MAD1L1: variants seen among roughly 807,000 people sequenced by gnomAD.
The protein encoded by MAD1L1 is mitotic spindle assembly checkpoint protein MAD1.
In MAD1L1, 95 loss-of-function variants were observed where a neutral mutation model predicts 96.9. That is an observed-to-expected ratio of 0.98 (90% CI 0.83 to 1.16). The LOEUF (loss-of-function observed/expected upper bound fraction) is 1.16, where lower values mean the gene tolerates loss of function less well. Ranked by LOEUF, MAD1L1 falls within the 50% of genes most tolerant of loss-of-function variation. The pLI, the probability that MAD1L1 is intolerant of heterozygous loss-of-function variation, is 0.00. For missense variants in MAD1L1, 1,007 were observed against 954.4 expected (o/e 1.06, Z -0.73); for synonymous variants, 473 against 396.6 (o/e 1.19, Z -2.29).
chr7:2,128,015 C>G (rs1788317070), intron 11 of MAD1L1, among the ~76,000 whole-genome samples: 1 of 152,190 alleles, frequency 6.6e-6, no homozygotes. Context: ...ATGAAAGGCC[C>G]TGACACTGAG....
chr7:2,122,933 T>C (rs1336590827), intron 11 of MAD1L1, among the ~76,000 whole-genome samples: 1 of 152,188 alleles, frequency 6.6e-6, no homozygotes, highest in East Asian at 1.9e-4. Context: ...CGTCTGCCCA[T>C]CCTGCCCTGG....
intron 11 of MAD1L1, among the ~76,000 whole-genome samples, chr7:2,106,009 G>GCCCCACACATGGCCCCCCCCC (rs1787075326): frequency 1.7e-5 from 1 of 58,926 alleles, no homozygotes; most frequent in Non-Finnish European, 3.2e-5. Flanking sequence ...CCCCGCCCCT[G>GCCCCACACATGGCCCCCCCCC]CCCCACACAT....
In MAD1L1 at chr7:2,212,311, G is replaced by C. The variant is rs548882163; in HGVS notation, c.986+901C>G. ...CCCACCACCCAAGCGCTGGCACTCA[G>C]CTTGGCACAGACTGCGTGAAGAGGC... On this transcript the variant is annotated intron_variant, in intron 10 of 18. Coordinates refer to ENST00000265854, the MANE Select transcript of MAD1L1 (RefSeq NM_001013836.2). Among the ~76,000 whole-genome samples, 11 of 152,334 alleles carry C rather than the reference G, an allele frequency of 7.2e-5. No individual in the cohort carries two copies. In the East Asian group the frequency reaches 2.1e-3, roughly 29 times the overall value.
chr7:2,224,561 T>A (rs1338924871), intron 4 of MAD1L1, among the ~76,000 whole-genome samples: 2 of 152,182 alleles, frequency 1.3e-5, no homozygotes, highest in Admixed American at 6.5e-5. Flanking sequence ...AGACGTGAGC[T>A]ATTTTTCTAG....
chr7:1,993,741 C>A (rs1320345185), intron 14 of MAD1L1, among the ~76,000 whole-genome samples: 1 of 152,220 alleles, frequency 6.6e-6, no homozygotes, highest in Admixed American at 6.5e-5. Context: ...AGCATCTTCT[C>A]ATAAGATCTT....
At chr7:1,981,449 C>T (rs772697107) in intron 14 of MAD1L1, among the ~76,000 whole-genome samples, 22 of 152,094 alleles carry the variant, frequency 1.4e-4, no homozygotes, top group Non-Finnish European at 1.9e-4. Flanking sequence ...CTCCAGGGCC[C>T]GGGGGTGCTA....
At chr7:1,905,673 G>A (rs1451077795) in intron 17 of MAD1L1, among the ~76,000 whole-genome samples, 1 of 152,230 alleles carries the variant, frequency 6.6e-6, no homozygotes, top group Non-Finnish European at 1.5e-5. Context: ...AGCTCTGTGG[G>A]CCTGGGCTCT....
chr7:1,864,143 C>T (rs1429827336), intron 18 of MAD1L1, among the ~76,000 whole-genome samples: 3 of 152,170 alleles, frequency 2.0e-5, no homozygotes, highest in Non-Finnish European at 2.9e-5. Context: ...TCCCGCAGCC[C>T]GGTGGGACTT....
In MAD1L1 at chr7:2,142,862, C is replaced by T. The variant is rs1789110893; in HGVS notation, c.1073+6290G>A. On this transcript the variant is annotated intron_variant, in intron 11 of 18. Coordinates refer to ENST00000265854, the MANE Select transcript of MAD1L1 (RefSeq NM_001013836.2). This position sits in a 1 kb window ranked among gnomAD's most constrained non-coding sequence, Gnocchi z 4.7. ...CAAGGGCAGGCCAGAACTGGCCATC[C>T]CGATGTGCTCTCTCACCCACACTGA... 6.6e-6 allele frequency among the ~76,000 whole-genome samples: 1 copy of T among 152,194 alleles called. No individual in the cohort carries two copies. The highest frequency in any genetic ancestry group is 6.5e-5 in the Admixed American group (1 of 15,288).
At position 2,071,247 on chromosome 7, in the gene MAD1L1, GAA is replaced by G. The variant is rs555653919; in HGVS notation, c.1074-1911_1074-1910del. Among the ~76,000 whole-genome samples the G allele has an allele frequency of 2.5e-3, 385 of 152,330 alleles. 2 individuals are homozygous for G. Among genetic ancestry groups the G allele is most frequent in the African/African-American group, 8.6e-3 (357 of 41,572 alleles). On this transcript the variant is annotated intron_variant, in intron 11 of 18. Transcript: ENST00000265854. ...TTGAAATAAAGGATAAGTTGAAAGTGAATGTGAATCCAACACTCACAGAACGT... is the reference window on the plus strand; with the variant it reads ...TTGAAATAAAGGATAAGTTGAAAGTGTGTGAATCCAACACTCACAGAACGT...
At chr7:2,120,932 C>A (rs1787947493) in intron 11 of MAD1L1, among the ~76,000 whole-genome samples, 1 of 152,172 alleles carries the variant, frequency 6.6e-6, no homozygotes, top group African/African-American at 2.4e-5. Flanking sequence ...TGCACCTGCT[C>A]TAGGGCAGGC....
At chr7:2,008,707 G>A (rs891158252) in intron 13 of MAD1L1, among the ~76,000 whole-genome samples, 5 of 152,048 alleles carry the variant, frequency 3.3e-5, no homozygotes, top group Admixed American at 6.5e-5. Flanking sequence ...CACACAGGAA[G>A]CTCAGGTGGG....
At chr7:1,940,010 G>A (rs1168824588) in intron 16 of MAD1L1, 1 of 152,516 alleles carries the variant, frequency 6.6e-6, no homozygotes. Context: ...ACATCCCCCT[G>A]ACGTCACGTC....
intron 11 of MAD1L1, among the ~76,000 whole-genome samples, chr7:2,102,394 TCACTAG>T: frequency 7.3e-6 from 1 of 137,842 alleles, no homozygotes; most frequent in East Asian, 2.2e-4. Context: ...ACCACCACCA[TCACTAG>T]CACTCTCACC....
At chr7:1,965,551 G>T (rs1780128628) in intron 15 of MAD1L1, among the ~76,000 whole-genome samples, 1 of 152,216 alleles carries the variant, frequency 6.6e-6, no homozygotes. Context: ...GCACTCACCT[G>T]GGGGCCGGAA....
At chr7:2,091,302 C>A (rs1375769918) in intron 11 of MAD1L1, among the ~76,000 whole-genome samples, 1 of 152,122 alleles carries the variant, frequency 6.6e-6, no homozygotes, top group Non-Finnish European at 1.5e-5. Context: ...CCGGTCAGCT[C>A]CCTGTTGCTG....
At chr7:1,969,543 TA>T (rs1467310140) in intron 15 of MAD1L1, among the ~76,000 whole-genome samples, 1 of 152,176 alleles carries the variant, frequency 6.6e-6, no homozygotes, top group Non-Finnish European at 1.5e-5. Flanking sequence ...GAAAAAGAAA[TA>T]AATTGTATCC....
chr7:1,822,977 TA>T (rs1355810449), intron 18 of MAD1L1, among the ~76,000 whole-genome samples: 1 of 152,040 alleles, frequency 6.6e-6, no homozygotes, highest in Non-Finnish European at 1.5e-5. Flanking sequence ...GGCCACTTTC[TA>T]ACAGAGAATA....
intron 18 of MAD1L1, among the ~76,000 whole-genome samples, chr7:1,841,313 C>T (rs1173651784): frequency 1.3e-5 from 2 of 152,256 alleles, no homozygotes; most frequent in African/African-American, 4.8e-5. Context: ...TCTCGCCCGG[C>T]TGCATCTGAT....
Sources: allele counts gnomAD v4.1 joint callset (sites outside exome capture counted in the v4.1 genomes callset), GRCh38; gene constraint gnomAD v4.1.1; non-coding constraint Gnocchi (gnomAD v3.1); transcripts MANE v1.5; gene names NCBI Gene and HGNC (gene_info 2026-07-23, HGNC 2026-07-21).